SAMD4B: variants seen among roughly 807,000 people sequenced by gnomAD.
SAMD4B encodes the protein sterile alpha motif domain containing 4B.
Under a neutral mutation model 74.5 loss-of-function variants are expected in SAMD4B, and 5 were observed. That is an observed-to-expected ratio of 0.07 (90% CI 0.04 to 0.14). The LOEUF is 0.14. SAMD4B is among the 10% of genes least tolerant of loss of function. SAMD4B has a pLI of 1.00. For missense variants in SAMD4B, 608 were observed against 921.8 expected (o/e 0.66, Z 4.41); for synonymous variants, 373 against 374.9 (o/e 1.00, Z 0.06).
At chr19:39,359,621 TCTGTACTCCC>T (rs1163086323) in intron 3 of SAMD4B, among the ~76,000 whole-genome samples, 1 of 152,200 alleles carries the variant, frequency 6.6e-6, no homozygotes, top group African/African-American at 2.4e-5. Flanking sequence ...TCACAACAAC[TCTGTACTCCC>T]CTGTTACTCC....
chr19:39,376,935 T>C lies in SAMD4B; in HGVS notation c.1104+144T>C. 7.8e-6 allele frequency: 5 copies of C among 641,722 alleles called. No homozygotes were observed. In the South Asian group the frequency reaches 9.6e-5, roughly 12 times the overall value. 39.8% of individuals were successfully genotyped at this position (641,722 alleles called of 1,614,324 possible). On this transcript the variant is annotated intron_variant, in intron 7 of 13. Transcript: ENST00000610417. ...AGGGACCCAGACTTCAGGGACCACA[T>C]GCAAGCCGGCATCAAAAGGCTCACT... is the stretch of plus-strand genomic sequence containing the variant.
At chr19:39,344,322 C>G (rs1288158696) in intron 1 of SAMD4B, among the ~76,000 whole-genome samples, 2 of 152,114 alleles carry the variant, frequency 1.3e-5, no homozygotes, top group Non-Finnish European at 2.9e-5. Context: ...TCCCCATATA[C>G]TCTTTTGGAG....
chr19:39,344,398 A>G (rs1006912488), intron 1 of SAMD4B, among the ~76,000 whole-genome samples: 1 of 151,878 alleles, frequency 6.6e-6, no homozygotes, highest in Non-Finnish European at 1.5e-5. Context: ...TCCCTCTGTC[A>G]TCCCACTCCA....
rs2076372055 is a variant in SAMD4B at position 39,357,001 on chromosome 19, C to T, written c.108C>T (p.Thr36=). The T allele has an allele frequency of 6.2e-7, 1 of 1,614,100 alleles. No individual in the cohort carries two copies. Among genetic ancestry groups the T allele is most frequent in the Non-Finnish European group, 8.5e-7 (1 of 1,179,998 alleles). ...CACTTCTGAAACGGGTCACCCGTACCCAGGCCCGCTTCCTGCAGCTCTGCC... is the reference window on the plus strand; with the variant it reads ...CACTTCTGAAACGGGTCACCCGTACTCAGGCCCGCTTCCTGCAGCTCTGCC... The part of the protein sequence containing the change: ...LLSLLKRVTR[T]QARFLQLCLE... Residue 36 remains threonine, a synonymous_variant, in exon 3 of 14, where the codon ACC becomes ACT. Coordinates refer to ENST00000610417, the MANE Select transcript of SAMD4B (RefSeq NM_001384574.2).
chr19:39,381,143 T>A, intron 12 of SAMD4B, 30 bp downstream of exon 12: 1 of 1,557,830 alleles, frequency 6.4e-7, no homozygotes, highest in South Asian at 1.2e-5. Context: ...GGACTCTGCC[T>A]GGCCAACATC....
At chr19:39,389,801 C>T, downstream of SAMD4B, 1 of 1,613,116 alleles carries the variant, frequency 6.2e-7, no homozygotes, top group Non-Finnish European at 8.5e-7. The surrounding 1 kb of genome is among the most constrained non-coding windows in gnomAD (Gnocchi z 5.3). Context: ...TGGATTCCAG[C>T]TTCACCCCTC....
Position 39,357,101 on chromosome 19 carries a change from C to T in SAMD4B, c.196+12C>T, listed in dbSNP as rs1242695942. On this transcript the variant is annotated intron_variant, in intron 3 of 13. Transcript: ENST00000610417. ...GGCCAACAGTGCTGGTGAGTTTCCA[C>T]CCTTAGAGATGGGAGCACAGCAGGA... 2 of 1,592,238 alleles carry T rather than the reference C, an allele frequency of 1.3e-6. No individual in the cohort carries two copies. Among genetic ancestry groups the T allele is most frequent in the Non-Finnish European group, 1.7e-6 (2 of 1,164,362 alleles).
At chr19:39,368,218 AAAAAG>A (rs969567433) in intron 3 of SAMD4B, among the ~76,000 whole-genome samples, 5 of 152,214 alleles carry the variant, frequency 3.3e-5, no homozygotes, top group African/African-American at 1.2e-4. Flanking sequence ...CGCCTCAAAA[AAAAAG>A]AAAAGGGAAA....
Position 39,383,870 on chromosome 19 carries a change from C to T in SAMD4B, c.*343C>T, listed in dbSNP as rs1373843971. On this transcript the variant is annotated 3_prime_UTR_variant, in exon 14 of 14. Coordinates refer to ENST00000610417, the MANE Select transcript of SAMD4B (RefSeq NM_001384574.2). The surrounding 1 kb of genome is among the most constrained non-coding windows in gnomAD (Gnocchi z 4.1). ...AGACCGCTGACCACCTGCCTCTCCC[C>T]AAGGGAGCAGACTCCCCAGAGACAA... 3.0e-5 allele frequency: 20 copies of T among 672,418 alleles called. No individual in the cohort carries two copies. Among genetic ancestry groups the T allele is most frequent in the Non-Finnish European group, 5.0e-5 (20 of 398,070 alleles). 41.7% of individuals were successfully genotyped at this position (672,418 alleles called of 1,614,324 possible). A position where few individuals can be genotyped will look rare whatever the true frequency, so the allele number is the denominator to read the frequency against.
chr19:39,370,054 G>C lies in SAMD4B; in HGVS notation c.596G>C (p.Gly199Ala). 1 of 1,612,140 alleles carries C rather than the reference G, an allele frequency of 6.2e-7. No individual in the cohort carries two copies. The highest frequency in any genetic ancestry group is 8.5e-7 in the Non-Finnish European group (1 of 1,179,102). Residue 199 changes from glycine (G) to alanine (A), a missense_variant, in exon 4 of 14, where the codon GGA (glycine) becomes GCA (alanine). Physicochemically the swap from Gly to Ala is moderately conservative, Grantham distance 60. Around this residue, in one of 9 missense-constraint regions of SAMD4B, gnomAD observed 153 missense variants for 153.0 expected, o/e 1.00. Coordinates refer to ENST00000610417, the MANE Select transcript of SAMD4B (RefSeq NM_001384574.2). ...GWQDKPPREN[G>A]HVPFHPSSSV... is the part of the protein sequence containing the mutation. ...CAGGACAAGCCACCCCGGGAAAATGGACACGTGCCCTTCCACCCATCCAGC... is the reference window on the plus strand; with the variant it reads ...CAGGACAAGCCACCCCGGGAAAATGCACACGTGCCCTTCCACCCATCCAGC...
rs1396246722 is a variant in SAMD4B, at chr19:39,375,631, T to C, written c.668-19T>C. On this transcript the variant is annotated intron_variant, in intron 4 of 13. Transcript: ENST00000610417. This position sits in a 1 kb window ranked among gnomAD's most constrained non-coding sequence, Gnocchi z 4.1. ...GGGTCCCCAGGTCTAATATTTTGCT[T>C]TTCTCCCACTCTGGCCAGGTCTCCC... 6.3e-7 allele frequency: 1 copy of C among 1,591,238 alleles called. No individual in the cohort carries two copies. The highest frequency in any genetic ancestry group is 1.1e-5 in the South Asian group (1 of 90,558).
rs2078177757 is a variant in SAMD4B, at chr19:39,384,372, G to C, written c.*845G>C. 6.6e-6 allele frequency: 1 copy of C among 152,602 alleles called. No individual in the cohort carries two copies. The highest frequency in any genetic ancestry group is 1.5e-5 in the Non-Finnish European group (1 of 68,072). The allele number at this position is 152,602 out of a possible 1,614,324, so 9.5% of individuals were successfully genotyped here. A position where few individuals can be genotyped will look rare whatever the true frequency, so the allele number is the denominator to read the frequency against. On this transcript the variant is annotated 3_prime_UTR_variant, in exon 14 of 14. Transcript: ENST00000610417. Reference sequence around the variant, plus strand: ...GAAGAGGTTGGAGGTGGGCAGCCAGGGTAGCCAGTGAGGTCAGGAAGTCTG... The same window carrying C: ...GAAGAGGTTGGAGGTGGGCAGCCAGCGTAGCCAGTGAGGTCAGGAAGTCTG...
chr19:39,389,976 G>A (rs2078338395), downstream of SAMD4B: 4 of 1,122,328 alleles, frequency 3.6e-6, no homozygotes, highest in Admixed American at 6.9e-5. The surrounding 1 kb of genome is among the most constrained non-coding windows in gnomAD (Gnocchi z 5.3). Context: ...TAGGTACTGT[G>A]CTAGGCCCTG....
At chr19:39,366,407 T>G (rs1250340188) in intron 3 of SAMD4B, among the ~76,000 whole-genome samples, 1 of 151,736 alleles carries the variant, frequency 6.6e-6, no homozygotes, top group Non-Finnish European at 1.5e-5. Context: ...GAGGCGGAGG[T>G]TGCAGTGAGC....
rs776421914 is a variant in SAMD4B, at chr19:39,375,610, C to G, written c.668-40C>G. The stretch of plus-strand genomic sequence containing the variant: ...GGGGGATGGTCTCCTGTGGTTGGGT[C>G]CCCAGGTCTAATATTTTGCTTTTCT... On this transcript the variant is annotated intron_variant, in intron 4 of 13. Coordinates refer to ENST00000610417, the MANE Select transcript of SAMD4B (RefSeq NM_001384574.2). This position sits in a 1 kb window ranked among gnomAD's most constrained non-coding sequence, Gnocchi z 4.1. The G allele has an allele frequency of 1.3e-6, 2 of 1,582,420 alleles. No individual in the cohort carries two copies. The highest frequency in any genetic ancestry group is 2.7e-5 in the African/African-American group (2 of 74,210).
chr19:39,346,409 A>G (rs2075705132), intron 1 of SAMD4B, among the ~76,000 whole-genome samples: 1 of 152,206 alleles, frequency 6.6e-6, no homozygotes, highest in African/African-American at 2.4e-5. Context: ...TTCACCCAAA[A>G]GATAGAGATG....
At position 39,364,948 on chromosome 19, in the gene SAMD4B, G is replaced by GT. The variant is rs763617464; in HGVS notation, c.197-4705dup. On this transcript the variant is annotated intron_variant, in intron 3 of 13. Coordinates refer to ENST00000610417, the MANE Select transcript of SAMD4B (RefSeq NM_001384574.2). Reference sequence around the variant, plus strand: ...AGAGATAAAAGGTTGTGGGTAAAAAGTTCCCCCCTGGCTGGGCGCAGTGGC... The same window carrying GT: ...AGAGATAAAAGGTTGTGGGTAAAAAGTTTCCCCCCTGGCTGGGCGCAGTGGC... Among the ~76,000 whole-genome samples, 9 of 152,082 alleles carry GT rather than the reference G, an allele frequency of 5.9e-5. 1 individual carries two copies. Among genetic ancestry groups the GT allele is most frequent in the African/African-American group, 9.7e-5 (4 of 41,408 alleles).
downstream of SAMD4B, chr19:39,385,947 G>T (rs761253278): frequency 1.2e-6 from 2 of 1,607,796 alleles, no homozygotes; most frequent in South Asian, 2.2e-5. Context: ...GTGCTTTGCT[G>T]CTCACAATAA....
rs768763079 is a variant in SAMD4B, at chr19:39,383,498, G to T, written c.2057-1G>T. 2 of 1,614,140 alleles carry T rather than the reference G, an allele frequency of 1.2e-6. No homozygotes were observed. Among genetic ancestry groups the T allele is most frequent in the Admixed American group, 3.3e-5 (2 of 60,018 alleles). On this transcript the variant is annotated splice_acceptor_variant, in intron 13 of 13. Coordinates refer to ENST00000610417, the MANE Select transcript of SAMD4B (RefSeq NM_001384574.2). LOFTEE classifies it high-confidence loss of function. This position sits in a 1 kb window ranked among gnomAD's most constrained non-coding sequence, Gnocchi z 4.1. ...CTCCCTTCCTCCCTTTCTTACCACAGATGGGACAGACAAAACCTCCACCAT... is the reference window on the plus strand; with the variant it reads ...CTCCCTTCCTCCCTTTCTTACCACATATGGGACAGACAAAACCTCCACCAT...
Sources: allele counts gnomAD v4.1 joint callset (sites outside exome capture counted in the v4.1 genomes callset), GRCh38; gene constraint gnomAD v4.1.1; regional missense constraint gnomAD v4.1.1; non-coding constraint Gnocchi (gnomAD v3.1); transcripts MANE v1.5; gene names NCBI Gene and HGNC (gene_info 2026-07-23, HGNC 2026-07-21).